LRPPRC: variants seen among roughly 807,000 people sequenced by gnomAD.
LRPPRC encodes leucine-rich PPR motif-containing protein, mitochondrial.
A neutral mutation model predicts 180.3 loss-of-function variants in LRPPRC; 120 were observed. The ratio of observed to expected loss-of-function variants is 0.67; its 90% CI spans 0.57 to 0.77. The LOEUF (loss-of-function observed/expected upper bound fraction) is 0.77, where lower values mean the gene tolerates loss of function less well. Ranked by LOEUF, LRPPRC falls within the 30% of genes least tolerant of loss-of-function variation. The pLI, the probability that LRPPRC is intolerant of heterozygous loss-of-function variation, is 0.00. For synonymous variants in LRPPRC, 723 were observed against 600.0 expected (o/e 1.21, Z -3.00); for missense variants, 2,012 against 1,657.2 (o/e 1.21, Z -3.72).
chr2:43,920,079 TAAAAAAAAAAAAAA>T (rs1023425078), intron 27 of LRPPRC, among the ~76,000 whole-genome samples: 1 of 79,478 alleles, frequency 1.3e-5, no homozygotes, highest in Non-Finnish European at 2.3e-5. Context: ...ATCAGCAATT[TAAAAAAAAAAAAAA>T]AAAAAAAAAC....
intron 27 of LRPPRC, among the ~76,000 whole-genome samples, chr2:43,923,132 G>A (rs1671755411): frequency 6.9e-6 from 1 of 145,942 alleles, no homozygotes; most frequent in Admixed American, 6.9e-5. Flanking sequence ...ATCCCTAATG[G>A]AAATTTTAAG....
At chr2:43,988,885 T>G (rs1018829597) in intron 1 of LRPPRC, among the ~76,000 whole-genome samples, 2 of 152,132 alleles carry the variant, frequency 1.3e-5, no homozygotes, top group African/African-American at 4.8e-5. Context: ...TTATCTTTTT[T>G]TTGAGACAGG....
chr2:43,946,408 T>C (rs1330775513), intron 20 of LRPPRC, among the ~76,000 whole-genome samples, 165 bp from the exon 21 acceptor site: 2 of 152,076 alleles, frequency 1.3e-5, no homozygotes, highest in Non-Finnish European at 2.9e-5. Context: ...TATTCACCTC[T>C]AAGAAGTGGG....
At chr2:43,974,060 C>T in intron 9 of LRPPRC, 90 bp downstream of exon 9, 1 of 1,339,424 alleles carries the variant, frequency 7.5e-7, no homozygotes, top group Admixed American at 1.7e-5. Context: ...ATGTTTACAA[C>T]TGGTCTAATC....
intron 3 of LRPPRC, 43 bp downstream of exon 3, chr2:43,979,782 AC>A: frequency 6.3e-7 from 1 of 1,592,542 alleles, no homozygotes; most frequent in Non-Finnish European, 8.6e-7. Flanking sequence ...AAAAGAAAAA[AC>A]ATCTACACCT....
intron 25 of LRPPRC, among the ~76,000 whole-genome samples, chr2:43,927,413 T>G (rs1056941304): frequency 6.6e-6 from 1 of 152,230 alleles, no homozygotes; most frequent in African/African-American, 2.4e-5. Flanking sequence ...ATTTCCTATA[T>G]CATCCACTTT....
intron 37 of LRPPRC, 70 bp downstream of exon 37, chr2:43,889,664 C>T: frequency 2.4e-6 from 3 of 1,233,170 alleles, no homozygotes; most frequent in Non-Finnish European, 3.6e-6. Flanking sequence ...AACTTATTTT[C>T]TTACACATTG....
chr2:43,958,992 C>CA, intron 13 of LRPPRC: 1 of 481,876 alleles, frequency 2.1e-6, no homozygotes, highest in East Asian at 3.1e-5. Flanking sequence ...AGAATATTGT[C>CA]AAGTTTTTAT....
chr2:43,975,318 C>A, intron 6 of LRPPRC, 101 bp from the exon 7 acceptor site: 1 of 956,642 alleles, frequency 1.0e-6, no homozygotes, highest in Non-Finnish European at 1.6e-6. Context: ...ATGCTAAGTA[C>A]CATTTGGAAT....
At chr2:43,934,147 T>A in intron 25 of LRPPRC, 43 bp downstream of exon 25, 1 of 1,090,528 alleles carries the variant, frequency 9.2e-7, no homozygotes, top group Non-Finnish European at 1.4e-6. Context: ...TAATTAAGAG[T>A]CTAAATAGCT....
chr2:43,893,286 G>T (rs559994254), intron 36 of LRPPRC, among the ~76,000 whole-genome samples: 2 of 152,306 alleles, frequency 1.3e-5, no homozygotes, highest in South Asian at 4.1e-4. Flanking sequence ...CAGTGGTATG[G>T]TTTGAGAAGA....
chr2:43,963,913 TA>T, intron 11 of LRPPRC: 1 of 592,456 alleles, frequency 1.7e-6, no homozygotes, highest in Non-Finnish European at 3.0e-6. Context: ...TGTGAAACAG[TA>T]AATTTCAAGA....
At position 43,934,275 on chromosome 2, in the gene LRPPRC, T is replaced by A. The variant is rs750015497; in HGVS notation, c.2651A>T (p.Glu884Val). The change falls in exon 25 of 38, where the codon GAA becomes GTA. Residue 884 changes from glutamate to valine, a missense_variant. By Grantham distance (121) the Glu-to-Val change is moderately radical (BLOSUM62 -2). Transcript: ENST00000260665. ...IQKAMDFVSQ[E>V]QGEMVMLYDL... is the part of the protein sequence containing the mutation. ...ATAGAGCATCACCATTTCACCTTGT[T>A]CTTGGCTCACAAAGTCCATTGCTAG... is the stretch of plus-strand genomic sequence containing the variant. 1 of 1,607,382 alleles carries A rather than the reference T, an allele frequency of 6.2e-7. No homozygotes were observed. The highest frequency in any genetic ancestry group is 8.5e-7 in the Non-Finnish European group (1 of 1,174,440).
intron 29 of LRPPRC, among the ~76,000 whole-genome samples, chr2:43,915,725 TGAG>T (rs1452372529): frequency 6.6e-6 from 1 of 152,174 alleles, no homozygotes; most frequent in Non-Finnish European, 1.5e-5. Flanking sequence ...TATAGGTAAC[TGAG>T]GAGGCATAAG....
chr2:43,926,317 G>T (rs1378269812), intron 25 of LRPPRC, among the ~76,000 whole-genome samples: 1 of 152,108 alleles, frequency 6.6e-6, no homozygotes, highest in African/African-American at 2.4e-5. Context: ...ACTGTCTTTA[G>T]TTCAAAAATA....
chr2:43,949,792 C>G (rs1672830191), intron 15 of LRPPRC, 133 bp from the exon 16 acceptor site: 3 of 696,940 alleles, frequency 4.3e-6, no homozygotes, highest in Non-Finnish European at 7.9e-6. Flanking sequence ...AATTCAAAAC[C>G]ACCCCCACCC....
intron 34 of LRPPRC, among the ~76,000 whole-genome samples, chr2:43,897,162 A>G (rs899071941): frequency 9.2e-5 from 14 of 152,226 alleles, no homozygotes; most frequent in South Asian, 4.1e-4. Context: ...AGTTCTCTTT[A>G]AAGTATAATT....
intron 1 of LRPPRC, among the ~76,000 whole-genome samples, chr2:43,983,839 G>C (rs1056816995): frequency 6.6e-6 from 1 of 152,078 alleles, no homozygotes; most frequent in Non-Finnish European, 1.5e-5. Flanking sequence ...TATATAAAAC[G>C]AGGCTGTAAT....
chr2:43,934,671 C>A (rs1672208355), intron 24 of LRPPRC, 83 bp downstream of exon 24: 1 of 1,248,170 alleles, frequency 8.0e-7, no homozygotes, highest in Non-Finnish European at 1.2e-6. Flanking sequence ...TGGCCTTCTG[C>A]TGGTTTCTCT....
Sources: allele counts gnomAD v4.1 joint callset (sites outside exome capture counted in the v4.1 genomes callset), GRCh38; gene constraint gnomAD v4.1.1; transcripts MANE v1.5; gene names NCBI Gene and HGNC (gene_info 2026-07-23, HGNC 2026-07-21).